The following ETFDH variants were observed in gnomAD, a reference collection of about 807,000 sequenced individuals.
The protein encoded by ETFDH is electron transfer flavoprotein-ubiquinone oxidoreductase, mitochondrial.
ETFDH carries 61 observed loss-of-function variants against 73.2 expected under a neutral mutation model. The observed-to-expected ratio is 0.83, with a 90% CI of 0.68 to 1.03. The LOEUF (loss-of-function observed/expected upper bound fraction) is 1.03, where lower values mean the gene tolerates loss of function less well. ETFDH is among the 50% of genes least tolerant of loss of function. The pLI, the probability that ETFDH is intolerant of heterozygous loss-of-function variation, is 0.00. For missense variants in ETFDH, 685 were observed against 745.0 expected, an observed-to-expected ratio of 0.92 and a Z score of 0.94; for synonymous variants, 243 against 253.3, an observed-to-expected ratio of 0.96 and a Z score of 0.39.
At chr4:158,699,335 A>G (rs1177778924) in intron 9 of ETFDH, among the ~76,000 whole-genome samples, 1 of 152,204 alleles carries the variant, frequency 6.6e-6, no homozygotes, top group African/African-American at 2.4e-5. Context: ...TGGCTCATAC[A>G]TGTAATCCCA....
chr4:158,680,454 A>C lies in ETFDH; in HGVS notation c.35-13A>C, dbSNP rs778179798. 6.3e-7 allele frequency: 1 copy of C among 1,595,702 alleles called. No homozygotes were observed. Among genetic ancestry groups the C allele is most frequent in the Non-Finnish European group, 8.6e-7 (1 of 1,163,610 alleles). ...TTTTAAGGAAGATAATAATTTTCGT[A>C]ATTTTTGTGCAGCATATCAGTGCTT... is the stretch of plus-strand genomic sequence containing the variant. On this transcript the variant is annotated splice_polypyrimidine_tract_variant and intron_variant, in intron 1 of 12. Coordinates refer to ENST00000511912, the MANE Select transcript of ETFDH (RefSeq NM_004453.4).
chr4:158,694,586 C>G (rs1466289739), intron 6 of ETFDH, among the ~76,000 whole-genome samples: 1 of 146,626 alleles, frequency 6.8e-6, no homozygotes, highest in Admixed American at 6.8e-5. Context: ...AAGAGCACAA[C>G]TCTGTCTCAA....
intron 9 of ETFDH, among the ~76,000 whole-genome samples, chr4:158,701,856 T>C (rs1020721529): frequency 1.3e-5 from 2 of 152,240 alleles, no homozygotes; most frequent in Non-Finnish European, 2.9e-5. Context: ...TCAGTTGCCA[T>C]ATTGTGGGCT....
At position 158,703,543 on chromosome 4, in the gene ETFDH, TC is replaced by T. The variant is rs1431479180; in HGVS notation, c.1238del (p.Ser413LeufsTer6). 6.2e-7 allele frequency: 1 copy of T among 1,609,172 alleles called. No homozygotes were observed. On this transcript the variant is annotated frameshift_variant, in exon 10 of 13. Coordinates refer to ENST00000511912, the MANE Select transcript of ETFDH (RefSeq NM_004453.4). LOFTEE classifies it high-confidence loss of function. The part of the protein sequence containing the change: ...AMKSGILAAE[S>X]IFNQLTSENL... ...GAAAAGTGGAATTTTAGCAGCAGAA[TC>T]TATTTTTAATCAACTAACTAGTGAA...
At chr4:158,693,865 A>T (rs1443955269) in intron 6 of ETFDH, among the ~76,000 whole-genome samples, 1 of 152,248 alleles carries the variant, frequency 6.6e-6, no homozygotes, top group Non-Finnish European at 1.5e-5. Context: ...GACAAGAAAA[A>T]AGACAACACA....
intron 1 of ETFDH, among the ~76,000 whole-genome samples, chr4:158,678,362 T>G (rs1773762748): frequency 6.6e-6 from 1 of 152,178 alleles, no homozygotes; most frequent in South Asian, 2.1e-4. Flanking sequence ...TCTGAGTTTG[T>G]CTGATCATTT....
intron 10 of ETFDH, among the ~76,000 whole-genome samples, chr4:158,704,539 A>G (rs1359447044): frequency 1.3e-5 from 2 of 152,144 alleles, no homozygotes; most frequent in Non-Finnish European, 1.5e-5. Flanking sequence ...TGCACAACAC[A>G]CAGCACACAC....
At chr4:158,684,548 C>CAAAT in intron 3 of ETFDH, 44 bp from the exon 4 acceptor site, 1 of 1,099,894 alleles carries the variant, frequency 9.1e-7, no homozygotes, top group Non-Finnish European at 1.4e-6. Context: ...TTTACACTTG[C>CAAAT]AAATATAAAC....
intron 1 of ETFDH, among the ~76,000 whole-genome samples, chr4:158,678,012 T>G (rs868558078): frequency 2.0e-5 from 3 of 152,272 alleles, no homozygotes; most frequent in Non-Finnish European, 4.4e-5. Context: ...ATAATCTTTT[T>G]AACTTTTTAT....
In ETFDH at chr4:158,706,736, G is replaced by C; in HGVS notation, c.1576G>C (p.Gly526Arg). Residue 526 changes from glycine (G) to arginine (R), a missense_variant, in exon 12 of 13, where the codon GGT becomes CGT. By Grantham distance (125) the Gly-to-Arg change is moderately radical. Around this residue, in one of 3 missense-constraint regions of ETFDH, gnomAD observed 201 missense variants for 225.2 expected, o/e 0.89. Coordinates refer to ENST00000511912, the MANE Select transcript of ETFDH (RefSeq NM_004453.4). ...FDLLSSVALS[G>R]TNHEHDQPAH... is the part of the protein sequence containing the mutation. ...CCTCTTGTCATCTGTGGCTCTGAGT[G>C]GTACTAATCATGAACATGACCAGCC... 1.2e-6 allele frequency: 2 copies of C among 1,613,588 alleles called. No individual in the cohort carries two copies. The highest frequency in any genetic ancestry group is 1.7e-6 in the Non-Finnish European group (2 of 1,179,560).
At chr4:158,685,353 T>A in intron 5 of ETFDH, 134 bp downstream of exon 5, 1 of 641,732 alleles carries the variant, frequency 1.6e-6, no homozygotes, top group Non-Finnish European at 2.8e-6. Context: ...TTAGAAGGAA[T>A]CTTTAAAGTA....
Position 158,684,603 on chromosome 4 carries a change from C to A in ETFDH, c.417C>A (p.Asn139Lys). 1 of 1,552,602 alleles carries A rather than the reference C, an allele frequency of 6.4e-7. No individual in the cohort carries two copies. The highest frequency in any genetic ancestry group is 8.9e-7 in the Non-Finnish European group (1 of 1,124,392). Residue 139 changes from asparagine to lysine, a missense_variant, in exon 4 of 13, where the codon AAC becomes AAA. Around this residue, in one of 3 missense-constraint regions of ETFDH, gnomAD observed 405 missense variants for 399.3 expected, o/e 1.01. Transcript: ENST00000511912. Reference protein sequence around the residue: ...PDWKEKGAPLNTPVTEDRFGI... With the variant: ...PDWKEKGAPLKTPVTEDRFGI... ...TCTTTTATTTCTAGGCTCCACTTAA[C>A]ACTCCTGTAACAGAAGACAGATTTG...
At chr4:158,681,884 C>A (rs1271327406) in intron 2 of ETFDH, 1 of 379,580 alleles carries the variant, frequency 2.6e-6, no homozygotes, top group Non-Finnish European at 4.9e-6. Context: ...CGATGCATTT[C>A]TCAGAAAGCA....
chr4:158,708,810 A>G lies in ETFDH; in HGVS notation c.*283A>G. The G allele has an allele frequency of 2.9e-6, 1 of 348,038 alleles. No homozygotes were observed. Among genetic ancestry groups the G allele is most frequent in the South Asian group, 3.2e-5 (1 of 31,174 alleles). The allele number at this position is 348,038 out of a possible 1,614,324, so 21.6% of individuals were successfully genotyped here. On this transcript the variant is annotated 3_prime_UTR_variant, in exon 13 of 13. Coordinates refer to ENST00000511912, the MANE Select transcript of ETFDH (RefSeq NM_004453.4). ...TACTGGACTTTACATTTGACTTGCC[A>G]AAGTTAAGTAATCAAATATAAAAAT...
chr4:158,702,354 ATTATTCT>A (rs1435043600), intron 9 of ETFDH, among the ~76,000 whole-genome samples: 1 of 152,116 alleles, frequency 6.6e-6, no homozygotes, highest in East Asian at 1.9e-4. Context: ...AAAATAACAA[ATTATTCT>A]TTATTATAGT....
In ETFDH at chr4:158,704,544, A is replaced by C. The variant is rs142707709; in HGVS notation, c.1285+953A>C. Among the ~76,000 whole-genome samples the C allele has an allele frequency of 6.9e-3, 1,052 of 152,284 alleles. 4 individuals carry two copies. The highest frequency in any genetic ancestry group is 0.01 in the Non-Finnish European group (685 of 68,028). ...CACCAATTAATGCACAACACACAGCACACACCCAGTTCCCCCTGCATGGCC... is the reference window on the plus strand; with the variant it reads ...CACCAATTAATGCACAACACACAGCCCACACCCAGTTCCCCCTGCATGGCC... On this transcript the variant is annotated intron_variant, in intron 10 of 12. Coordinates refer to ENST00000511912, the MANE Select transcript of ETFDH (RefSeq NM_004453.4).
chr4:158,700,457 CCA>C (rs1774428390), intron 9 of ETFDH, among the ~76,000 whole-genome samples: 1 of 151,762 alleles, frequency 6.6e-6, no homozygotes, highest in South Asian at 2.1e-4. Flanking sequence ...AATAGTACAC[CCA>C]GATTTTTATT....
chr4:158,687,550 A>G (rs1774037604), intron 5 of ETFDH, among the ~76,000 whole-genome samples: 1 of 152,168 alleles, frequency 6.6e-6, no homozygotes, highest in African/African-American at 2.4e-5. Context: ...CTTGCTGCCC[A>G]CTTCTGAATG....
chr4:158,697,674 AACCCCT>A lies in ETFDH; in HGVS notation c.949_954del (p.Pro317_Leu318del). ...TTCCTCTATCATTTGAATGAAGGTG[AACCCCT>A]AGTAGCTCTTGGTCTTGTGGTAAGT... On this transcript the variant is annotated inframe_deletion, in exon 8 of 13. Coordinates refer to ENST00000511912, the MANE Select transcript of ETFDH (RefSeq NM_004453.4). 6.2e-7 allele frequency: 1 copy of A among 1,613,948 alleles called. No individual in the cohort carries two copies. Among genetic ancestry groups the A allele is most frequent in the Non-Finnish European group, 8.5e-7 (1 of 1,179,876 alleles).
Sources: allele counts gnomAD v4.1 joint callset (sites outside exome capture counted in the v4.1 genomes callset), GRCh38; gene constraint gnomAD v4.1.1; regional missense constraint gnomAD v4.1.1; transcripts MANE v1.5; gene names NCBI Gene and HGNC (gene_info 2026-07-23, HGNC 2026-07-21).